Variants in HGF observed in about 807,000 individuals in gnomAD.
HGF encodes hepatocyte growth factor.
In HGF, 39 loss-of-function variants were observed where a neutral mutation model predicts 111.6. The ratio of observed to expected loss-of-function variants is 0.35; its 90% CI spans 0.27 to 0.46. The LOEUF (loss-of-function observed/expected upper bound fraction) is 0.46. HGF is among the 20% of genes least tolerant of loss of function. The pLI, the probability that HGF is intolerant of heterozygous loss-of-function variation, is 1.00. For missense variants in HGF, 735 were observed against 910.5 expected (o/e 0.81, Z 2.48); for synonymous variants, 285 against 294.8 (o/e 0.97, Z 0.34).
intron 7 of HGF, among the ~76,000 whole-genome samples, chr7:81,742,507 T>C (rs1788046260): frequency 6.6e-6 from 1 of 152,206 alleles, no homozygotes; most frequent in African/African-American, 2.4e-5. Flanking sequence ...AACATTATTA[T>C]ACCTTACTAA....
In HGF at chr7:81,701,399, T is replaced by C. The variant is rs1047139559; in HGVS notation, c.*1182A>G. 1.3e-5 allele frequency: 2 copies of C among 151,632 alleles called. No homozygotes were observed. The highest frequency in any genetic ancestry group is 4.8e-5 in the African/African-American group (2 of 41,414). 9.4% of individuals were successfully genotyped at this position (151,632 alleles called of 1,614,324 possible). ...TCTTCCAGGTTGAGAAAAGTATTTT[T>C]ATTTTTTTCTCCAATATATACTTTA... On this transcript the variant is annotated 3_prime_UTR_variant, in exon 18 of 18. Coordinates refer to ENST00000222390, the MANE Select transcript of HGF (RefSeq NM_000601.6).
rs1057441790 is a variant in HGF, at chr7:81,748,096, C to T, written c.626-2976G>A. Among the ~76,000 whole-genome samples the T allele has an allele frequency of 5.9e-5, 9 of 152,024 alleles. 1 individual carries two copies. The East Asian group carries it at 7.7e-4, about 13-fold the overall frequency. ...GAGCCAGGAACACAAATCTTCTGAC[C>T]CATAGTCTTAGTATTTTTTTTGCAT... On this transcript the variant is annotated intron_variant, in intron 5 of 17. Transcript: ENST00000222390.
chr7:81,760,384 G>T (rs1789006880), intron 2 of HGF, among the ~76,000 whole-genome samples: 1 of 152,086 alleles, frequency 6.6e-6, no homozygotes, highest in Non-Finnish European at 1.5e-5. Flanking sequence ...AGAATAATTT[G>T]AATCTCTAGG....
intron 7 of HGF, among the ~76,000 whole-genome samples, chr7:81,734,822 C>G (rs906481572): frequency 1.3e-5 from 2 of 152,016 alleles, no homozygotes; most frequent in African/African-American, 4.8e-5. Context: ...CGGTTTTCAC[C>G]AAACCCACCC....
chr7:81,713,042 G>A (rs1789612451), intron 11 of HGF, among the ~76,000 whole-genome samples: 1 of 152,078 alleles, frequency 6.6e-6, no homozygotes, highest in Non-Finnish European at 1.5e-5. Flanking sequence ...AAGGATATTG[G>A]TTTTCCACGT....
intron 2 of HGF, among the ~76,000 whole-genome samples, chr7:81,761,555 T>TA (rs200187303): frequency 0.047 from 6,403 of 136,998 alleles, 401 homozygotes; most frequent in African/African-American, 0.15. Flanking sequence ...ATGACCCTGT[T>TA]AAAAAAAAAA....
intron 14 of HGF, among the ~76,000 whole-genome samples, chr7:81,707,041 A>G (rs910996647): frequency 3.9e-5 from 6 of 152,072 alleles, no homozygotes; most frequent in African/African-American, 1.4e-4. Context: ...AAACATTTAC[A>G]TAATTCTAGC....
At chr7:81,716,122 A>G (rs775889161) in intron 11 of HGF, among the ~76,000 whole-genome samples, 5 of 152,122 alleles carry the variant, frequency 3.3e-5, no homozygotes, top group Non-Finnish European at 5.9e-5. Context: ...TACCAGTGGA[A>G]ATGATTTTGC....
At position 81,701,252 on chromosome 7, in the gene HGF, T is replaced by C. The variant is rs1209462205; in HGVS notation, c.*1329A>G. Reference sequence around the variant, plus strand: ...AAAATAAACATATCTTGATAAAATATCTGATTCAACAGATTCCACTCTACT... The same window carrying C: ...AAAATAAACATATCTTGATAAAATACCTGATTCAACAGATTCCACTCTACT... On this transcript the variant is annotated 3_prime_UTR_variant, in exon 18 of 18. Coordinates refer to ENST00000222390, the MANE Select transcript of HGF (RefSeq NM_000601.6). 1.3e-5 allele frequency: 2 copies of C among 151,412 alleles called. No homozygotes were observed. The highest frequency in any genetic ancestry group is 2.1e-4 in the South Asian group (1 of 4,826). 9.4% of individuals were successfully genotyped at this position (151,412 alleles called of 1,614,324 possible).
chr7:81,748,596 AG>A (rs1788368231), intron 5 of HGF, among the ~76,000 whole-genome samples: 1 of 152,200 alleles, frequency 6.6e-6, no homozygotes, highest in Non-Finnish European at 1.5e-5. Context: ...GTTTATATGT[AG>A]GAGTGCCCTT....
chr7:81,731,709 G>C (rs1251585263), intron 7 of HGF, among the ~76,000 whole-genome samples: 1 of 152,138 alleles, frequency 6.6e-6, no homozygotes, highest in Non-Finnish European at 1.5e-5. Flanking sequence ...TATGGGGAAA[G>C]TCTTAAAAGG....
In HGF at chr7:81,717,485, T is replaced by C. The variant is rs5745722; in HGVS notation, c.1272-120A>G. 2,849 of 999,112 alleles carry C rather than the reference T, an allele frequency of 2.9e-3. 58 individuals carry two copies. In the African/African-American group the frequency reaches 0.041, roughly 14 times the overall value. The allele number at this position is 999,112 out of a possible 1,614,324, so 61.9% of individuals were successfully genotyped here. On this transcript the variant is annotated intron_variant, in intron 10 of 17. Transcript: ENST00000222390. ...TCACTGTAGATACAGCATAACCTTT[T>C]ACTTGGGATGAATTTTAGCTATTTT... is the stretch of plus-strand genomic sequence containing the variant.
intron 7 of HGF, 32 bp downstream of exon 7, chr7:81,743,320 GA>G: frequency 8.1e-7 from 1 of 1,236,012 alleles, no homozygotes; most frequent in Non-Finnish European, 1.2e-6. Context: ...TCTGTGAGAG[GA>G]AAAGGAAGCA....
rs745642167 is a variant in HGF at position 81,705,382 on chromosome 7, C to CT, written c.2010+7dup. 1.7e-5 allele frequency: 27 copies of CT among 1,611,430 alleles called. 1 individual carries two copies. In the South Asian group the frequency reaches 2.9e-4, roughly 17 times the overall value. On this transcript the variant is annotated splice_region_variant and intron_variant, in intron 17 of 17. Coordinates refer to ENST00000222390, the MANE Select transcript of HGF (RefSeq NM_000601.6). Reference sequence around the variant, plus strand: ...CACATACTCCTTATTAAAGAACTTCCTTTTTACCTCACATGGTCCTGATCC... The same window carrying CT: ...CACATACTCCTTATTAAAGAACTTCCTTTTTTACCTCACATGGTCCTGATCC...
chr7:81,763,258 G>A (rs1482337566), intron 1 of HGF, among the ~76,000 whole-genome samples: 7 of 151,952 alleles, frequency 4.6e-5, no homozygotes, highest in East Asian at 1.9e-4. Flanking sequence ...TCTACAATTG[G>A]TCCTCATATA....
chr7:81,728,157 G>A (rs555724791), intron 8 of HGF, among the ~76,000 whole-genome samples: 78 of 152,288 alleles, frequency 5.1e-4, no homozygotes, highest in Non-Finnish European at 9.7e-4. Flanking sequence ...TCAATGTCCT[G>A]AGAAAAATGT....
chr7:81,769,833 C>T (rs1474747085), intron 1 of HGF, 51 bp downstream of exon 1: 1 of 1,336,464 alleles, frequency 7.5e-7, no homozygotes, highest in African/African-American at 1.5e-5. Context: ...GGAAGGTTAG[C>T]AGGAGAGTTA....
intron 1 of HGF, among the ~76,000 whole-genome samples, chr7:81,765,789 TAAC>T (rs1312785777): frequency 2.0e-5 from 3 of 152,200 alleles, no homozygotes; most frequent in African/African-American, 7.2e-5. Flanking sequence ...CCATATGTAT[TAAC>T]AACTGATGCT....
intron 5 of HGF, among the ~76,000 whole-genome samples, chr7:81,749,867 T>C (rs1348626584): frequency 6.6e-6 from 1 of 152,030 alleles, no homozygotes; most frequent in Non-Finnish European, 1.5e-5. Flanking sequence ...TTACAAAAAT[T>C]TCAAAAAATA....
Sources: allele counts gnomAD v4.1 joint callset (sites outside exome capture counted in the v4.1 genomes callset), GRCh38; gene constraint gnomAD v4.1.1; transcripts MANE v1.5; gene names NCBI Gene and HGNC (gene_info 2026-07-23, HGNC 2026-07-21).